Variants in MYO18B observed in about 807,000 individuals in gnomAD.
MYO18B encodes unconventional myosin-XVIIIb.
Under a neutral mutation model 273.0 loss-of-function variants are expected in MYO18B, and 204 were observed. The observed-to-expected ratio is 0.75, with a 90% CI of 0.67 to 0.84. The LOEUF (loss-of-function observed/expected upper bound fraction) is 0.84, where lower values mean the gene tolerates loss of function less well. Among genes scored for constraint, MYO18B ranks in the 40% least tolerant of loss-of-function variants. MYO18B has a pLI of 0.00. For missense variants in MYO18B, 3,212 were observed against 3,287.6 expected (o/e 0.98, Z 0.56); for synonymous variants, 1,330 against 1,305.7 (o/e 1.02, Z -0.40).
At chr22:25,955,561 GC>G (rs1379387940) in intron 39 of MYO18B, among the ~76,000 whole-genome samples, 197 bp downstream of exon 39, 3 of 152,184 alleles carry the variant, frequency 2.0e-5, no homozygotes, top group Non-Finnish European at 2.9e-5. Context: ...CTGGAGGTGG[GC>G]CCAAAGTGGA....
intron 42 of MYO18B, among the ~76,000 whole-genome samples, chr22:26,019,465 G>T (rs1314400910): frequency 6.6e-6 from 1 of 152,216 alleles, no homozygotes; most frequent in Non-Finnish European, 1.5e-5. Flanking sequence ...AGTCTGCAAA[G>T]CCTAAAGGCA....
chr22:26,054,562 A>G, the MYO18B span, among the ~76,000 whole-genome samples: 1 of 152,196 alleles, frequency 6.6e-6, no homozygotes, highest in African/African-American at 2.4e-5. Context: ...GGAGCATGGG[A>G]TGAGGTGGAG....
chr22:25,862,195 T>G (rs2090757967), intron 21 of MYO18B, among the ~76,000 whole-genome samples: 1 of 152,208 alleles, frequency 6.6e-6, no homozygotes, highest in South Asian at 2.1e-4. Flanking sequence ...TATAAAGGAC[T>G]CATGCATCTG....
intron 11 of MYO18B, among the ~76,000 whole-genome samples, chr22:25,787,427 A>C (rs1053714175): frequency 1.3e-5 from 2 of 152,064 alleles, no homozygotes; most frequent in Non-Finnish European, 2.9e-5. Flanking sequence ...CTGCTGGTCC[A>C]GGGACCCCGC....
At chr22:25,995,759 C>T (rs975561068) in intron 40 of MYO18B, among the ~76,000 whole-genome samples, 1 of 152,156 alleles carries the variant, frequency 6.6e-6, no homozygotes, top group Admixed American at 6.5e-5. Flanking sequence ...CTGTTCTGAT[C>T]TACCCTTTCT....
chr22:25,942,945 C>T (rs1320369127), intron 34 of MYO18B, among the ~76,000 whole-genome samples: 1 of 152,028 alleles, frequency 6.6e-6, no homozygotes, highest in Non-Finnish European at 1.5e-5. Flanking sequence ...CTGGATCATG[C>T]ACCATTATGC....
intron 17 of MYO18B, among the ~76,000 whole-genome samples, chr22:25,840,515 C>T (rs939091192): frequency 6.6e-6 from 1 of 152,266 alleles, no homozygotes; most frequent in Non-Finnish European, 1.5e-5. Context: ...GTCATTTCCC[C>T]TTGGGGAAGG....
intron 35 of MYO18B, among the ~76,000 whole-genome samples, chr22:25,946,700 T>G (rs1435395555): frequency 6.6e-6 from 1 of 152,182 alleles, no homozygotes; most frequent in Non-Finnish European, 1.5e-5. Context: ...CTTGCCACTC[T>G]AAGTGGTTCT....
At chr22:26,016,670 A>G (rs1935355418) in intron 42 of MYO18B, among the ~76,000 whole-genome samples, 1 of 152,180 alleles carries the variant, frequency 6.6e-6, no homozygotes, top group Admixed American at 6.5e-5. Context: ...TTTCCATTCT[A>G]CAAGCTTTCT....
chr22:25,982,517 G>C (rs1478168073), intron 39 of MYO18B, among the ~76,000 whole-genome samples: 1 of 152,138 alleles, frequency 6.6e-6, no homozygotes, highest in Non-Finnish European at 1.5e-5. Flanking sequence ...GAGTCCAAAG[G>C]CATTCAAAAT....
chr22:25,822,636 T>C (rs5761257), intron 12 of MYO18B, among the ~76,000 whole-genome samples: 47,694 of 151,890 alleles, frequency 0.31, 7,962 homozygotes, highest in African/African-American at 0.44. Flanking sequence ...GCAGGACGAG[T>C]CACAGACAAA....
chr22:25,983,496 G>A (rs1196188375), intron 39 of MYO18B: 1 of 152,258 alleles, frequency 6.6e-6, no homozygotes, highest in African/African-American at 2.4e-5. Context: ...AAACCCTGTT[G>A]TCTGTCTGAA....
chr22:26,049,123 A>G, the MYO18B span, among the ~76,000 whole-genome samples: 2 of 152,196 alleles, frequency 1.3e-5, no homozygotes, highest in African/African-American at 2.4e-5. Flanking sequence ...ATAGCAGACT[A>G]CCAGGACAGG....
intron 25 of MYO18B, among the ~76,000 whole-genome samples, chr22:25,882,985 C>G (rs2146229652): frequency 6.6e-6 from 1 of 152,280 alleles, no homozygotes; most frequent in Admixed American, 6.5e-5. Flanking sequence ...CAGCCTCAAC[C>G]TCCTGGGCTA....
At chr22:25,815,923 G>T (rs1005553302) in intron 12 of MYO18B, among the ~76,000 whole-genome samples, 4 of 152,122 alleles carry the variant, frequency 2.6e-5, no homozygotes, top group Non-Finnish European at 5.9e-5. Context: ...TAAGGTTCGG[G>T]CAATGATTCA....
At chr22:26,056,601 C>G in the MYO18B span, among the ~76,000 whole-genome samples, 1 of 152,218 alleles carries the variant, frequency 6.6e-6, no homozygotes, top group Admixed American at 6.5e-5. Context: ...TCATTTTATT[C>G]TGTTCTCTTC....
chr22:25,965,034 G>C (rs887014186), intron 39 of MYO18B: 11 of 152,202 alleles, frequency 7.2e-5, no homozygotes, highest in African/African-American at 2.7e-4. Flanking sequence ...TGCAGACTGT[G>C]TACTTTTAAT....
chr22:25,773,630 A>C (rs952854289), intron 7 of MYO18B, among the ~76,000 whole-genome samples: 2 of 151,910 alleles, frequency 1.3e-5, no homozygotes, highest in South Asian at 4.2e-4. Flanking sequence ...CGCCCAGCTA[A>C]TTTTTTGTAT....
intron 31 of MYO18B, among the ~76,000 whole-genome samples, chr22:25,904,406 T>A (rs183364934): frequency 6.6e-6 from 1 of 152,224 alleles, no homozygotes; most frequent in East Asian, 1.9e-4. Flanking sequence ...TGTAGGGAGA[T>A]CTTAGTATTA....
Sources: gnomAD v4.1 joint callset for allele counts (sites outside exome capture counted in the v4.1 genomes callset) on GRCh38, gnomAD v4.1.1 for gene constraint, MANE v1.5 for transcripts, NCBI Gene and HGNC (gene_info 2026-07-23, HGNC 2026-07-21) for gene names.